RUVBL1: variants seen among roughly 807,000 people sequenced by gnomAD.
RUVBL1 encodes ruvB-like 1.
Under a neutral mutation model 52.4 loss-of-function variants are expected in RUVBL1, and 4 were observed. That is an observed-to-expected ratio of 0.08 (90% CI 0.04 to 0.17). The LOEUF is 0.17. Among genes scored for constraint, RUVBL1 ranks in the 10% least tolerant of loss-of-function variants. The pLI, the probability that RUVBL1 is intolerant of heterozygous loss-of-function variation, is 1.00. For missense variants in RUVBL1, 298 were observed against 572.8 expected, an observed-to-expected ratio of 0.52 and a Z score of 4.90; for synonymous variants, 217 against 214.4, an observed-to-expected ratio of 1.01 and a Z score of -0.10.
chr3:128,152,904 G>GTACCCCCGCCCTCC (rs1559843198), intron 1 of RUVBL1, among the ~76,000 whole-genome samples: 31 of 6,246 alleles, frequency 5.0e-3, no homozygotes, highest in African/African-American at 0.021. Flanking sequence ...ACGTCCCCCC[G>GTACCCCCGCCCTCC]CCCTCCCCCG....
chr3:128,146,313 C>T (rs745959222), intron 1 of RUVBL1, among the ~76,000 whole-genome samples: 7 of 151,276 alleles, frequency 4.6e-5, no homozygotes, highest in East Asian at 1.9e-4. Flanking sequence ...CATGTGCGTG[C>T]GTCTGTGTGT....
intron 1 of RUVBL1, among the ~76,000 whole-genome samples, chr3:128,145,317 A>G (rs73192975): frequency 0.079 from 11,958 of 152,222 alleles, 588 homozygotes; most frequent in Non-Finnish European, 0.12. Flanking sequence ...AGGCTCCACA[A>G]TTTCCAGCTG....
intron 8 of RUVBL1, among the ~76,000 whole-genome samples, chr3:128,095,247 C>G (rs1430597103): frequency 6.6e-6 from 1 of 152,244 alleles, no homozygotes; most frequent in Non-Finnish European, 1.5e-5. Flanking sequence ...AGATGCCAGG[C>G]TCTGCAGGTA....
At chr3:128,107,053 C>T (rs1044864597) in intron 3 of RUVBL1, among the ~76,000 whole-genome samples, 5 of 152,168 alleles carry the variant, frequency 3.3e-5, no homozygotes, top group Non-Finnish European at 4.4e-5. Flanking sequence ...ACCAAGTCTA[C>T]TTTAAAAAAA....
chr3:128,068,455 A>G (rs1255015687), intron 9 of RUVBL1, among the ~76,000 whole-genome samples: 4 of 152,214 alleles, frequency 2.6e-5, no homozygotes, highest in Non-Finnish European at 4.4e-5. Context: ...AGGTCCTGGC[A>G]TCTGAGCGCA....
intron 9 of RUVBL1, among the ~76,000 whole-genome samples, chr3:128,072,473 G>A (rs1942192948): frequency 6.6e-6 from 1 of 152,228 alleles, no homozygotes; most frequent in African/African-American, 2.4e-5. Flanking sequence ...GAGCAGGATG[G>A]TTCCTCTGAG....
At chr3:128,085,590 A>G (rs1423931176) in intron 9 of RUVBL1, among the ~76,000 whole-genome samples, 2 of 152,228 alleles carry the variant, frequency 1.3e-5, no homozygotes, top group African/African-American at 4.8e-5. Flanking sequence ...TAACATATAC[A>G]ATTGCTACTA....
chr3:128,150,078 G>A (rs1944163850), intron 1 of RUVBL1, among the ~76,000 whole-genome samples: 1 of 152,104 alleles, frequency 6.6e-6, no homozygotes, highest in African/African-American at 2.4e-5. Flanking sequence ...GTGCAGCCTG[G>A]CCCTTCTCTT....
At chr3:128,066,936 T>C (rs1559798666) in intron 9 of RUVBL1, 2 of 1,613,932 alleles carry the variant, frequency 1.2e-6, no homozygotes, top group Non-Finnish European at 1.7e-6. Flanking sequence ...GGGGATTTGG[T>C]TCTGTTTGGC....
intron 6 of RUVBL1, 83 bp downstream of exon 6, chr3:128,100,512 A>AAGAC: frequency 6.7e-7 from 1 of 1,484,950 alleles, no homozygotes; most frequent in Non-Finnish European, 9.0e-7. Flanking sequence ...GAAAGGCAGC[A>AAGAC]AGACTCTGAC....
At chr3:128,094,863 T>C (rs537281373) in intron 8 of RUVBL1, among the ~76,000 whole-genome samples, 21 of 152,354 alleles carry the variant, frequency 1.4e-4, no homozygotes, top group African/African-American at 5.1e-4. Flanking sequence ...ATGGCTATTA[T>C]TGTTGGCTAT....
Position 128,081,436 on chromosome 3 carries a change from A to C in RUVBL1, c.1212-27T>G. The stretch of plus-strand genomic sequence containing the variant: ...TAGAGTGGACAGGGGCCAGGGCTGG[A>C]GTGAAACTGGGGCCACCGAAGAAAG... On this transcript the variant is annotated intron_variant, in intron 10 of 10. Transcript: ENST00000322623. The surrounding 1 kb of genome is among the most constrained non-coding windows in gnomAD (Gnocchi z 4.8). 6.3e-7 allele frequency: 1 copy of C among 1,597,300 alleles called. No individual in the cohort carries two copies. Among genetic ancestry groups the C allele is most frequent in the Non-Finnish European group, 8.6e-7 (1 of 1,167,630 alleles).
At chr3:128,131,861 G>GC (rs1207404810) in intron 1 of RUVBL1, among the ~76,000 whole-genome samples, 1 of 152,152 alleles carries the variant, frequency 6.6e-6, no homozygotes, top group Non-Finnish European at 1.5e-5. Flanking sequence ...TCCAGAAATT[G>GC]CCCCCACCTG....
Position 128,104,941 on chromosome 3 carries a change from A to G in RUVBL1, c.362-17T>C. On this transcript the variant is annotated splice_polypyrimidine_tract_variant and intron_variant, in intron 3 of 10. Coordinates refer to ENST00000322623, the MANE Select transcript of RUVBL1 (RefSeq NM_003707.3). ...TTCGCAGCCCTGGAAGAGGTGGCAG[A>G]GGGGCCATGGTGAGAAGCAGAATCT... 2 of 1,590,386 alleles carry G rather than the reference A, an allele frequency of 1.3e-6. No individual in the cohort carries two copies. Among genetic ancestry groups the G allele is most frequent in the Non-Finnish European group, 1.7e-6 (2 of 1,160,204 alleles).
chr3:128,102,823 T>C (rs1296195571), intron 4 of RUVBL1, among the ~76,000 whole-genome samples: 1 of 152,238 alleles, frequency 6.6e-6, no homozygotes, highest in Non-Finnish European at 1.5e-5. Flanking sequence ...GTGAGTTTTA[T>C]TTAAAATGCT....
chr3:128,100,825 G>A, intron 5 of RUVBL1, 81 bp from the exon 6 acceptor site: 2 of 1,525,522 alleles, frequency 1.3e-6, no homozygotes, highest in Non-Finnish European at 9.0e-7. Flanking sequence ...GTGAGATAAA[G>A]GTCTCAGTTC....
At chr3:128,114,122 C>T (rs2107708642) in intron 2 of RUVBL1, among the ~76,000 whole-genome samples, 1 of 152,338 alleles carries the variant, frequency 6.6e-6, no homozygotes, top group Admixed American at 6.5e-5. Context: ...CAAGCAAATG[C>T]TTTAAAGTTG....
chr3:128,140,019 A>G (rs757749538), intron 1 of RUVBL1, among the ~76,000 whole-genome samples: 1 of 152,072 alleles, frequency 6.6e-6, no homozygotes, highest in Non-Finnish European at 1.5e-5. Flanking sequence ...AAAATAACTA[A>G]AAGAGTATAA....
upstream of RUVBL1, among the ~76,000 whole-genome samples, chr3:128,126,043 G>A (rs987531267): frequency 6.6e-5 from 10 of 152,216 alleles, no homozygotes; most frequent in African/African-American, 2.4e-4. Flanking sequence ...GGATTTTAGA[G>A]CACAGAGGAA....
Sources: allele counts gnomAD v4.1 joint callset (sites outside exome capture counted in the v4.1 genomes callset), GRCh38; gene constraint gnomAD v4.1.1; non-coding constraint Gnocchi (gnomAD v3.1); transcripts MANE v1.5; gene names NCBI Gene and HGNC (gene_info 2026-07-23, HGNC 2026-07-21).